Variants in TENM2 observed in about 807,000 individuals in gnomAD.
The protein encoded by TENM2 is teneurin transmembrane protein 2, also known as teneurin-2.
TENM2 carries 52 observed loss-of-function variants against 245.2 expected under a neutral mutation model. The observed-to-expected ratio is 0.21, with a 90% CI of 0.17 to 0.27. The LOEUF (loss-of-function observed/expected upper bound fraction) is 0.27. Among genes scored for constraint, TENM2 ranks in the 10% least tolerant of loss-of-function variants. The pLI, the probability that TENM2 is intolerant of heterozygous loss-of-function variation, is 1.00. For synonymous variants in TENM2, 1,363 were observed against 1,438.9 expected, an observed-to-expected ratio of 0.95 and a Z score of 1.19; for missense variants, 3,046 against 3,666.8, an observed-to-expected ratio of 0.83 and a Z score of 4.37.
chr5:167,862,241 ATGTGTGTG>A (rs138403142), intron 2 of TENM2, among the ~76,000 whole-genome samples: 5 of 148,534 alleles, frequency 3.4e-5, no homozygotes, highest in South Asian at 2.2e-4. Flanking sequence ...AATTTAGAGT[ATGTGTGTG>A]TGTGTGTGTG....
chr5:167,983,245 C>T (rs535110453), intron 4 of TENM2, among the ~76,000 whole-genome samples: 1 of 151,816 alleles, frequency 6.6e-6, no homozygotes, highest in Non-Finnish European at 1.5e-5. Context: ...TCACAAAACA[C>T]CAGGTTTCTT....
chr5:168,129,222 C>A (rs147929143), intron 12 of TENM2: 2 of 152,186 alleles, frequency 1.3e-5, no homozygotes, highest in Admixed American at 1.3e-4. Flanking sequence ...AATTGGCCAA[C>A]AAGAGAACAT....
the TENM2 span, among the ~76,000 whole-genome samples, chr5:167,129,670 A>T: frequency 2.0e-5 from 3 of 152,180 alleles, no homozygotes; most frequent in Non-Finnish European, 4.4e-5. Context: ...GATGCATGGG[A>T]AAATACTTAG....
intron 5 of TENM2, among the ~76,000 whole-genome samples, chr5:168,023,846 G>A (rs1786376036): frequency 2.0e-5 from 3 of 152,146 alleles, no homozygotes; most frequent in Admixed American, 2.0e-4. Context: ...GTGGAAAGGC[G>A]ATTCTGCTAG....
At chr5:167,199,870 C>T in the TENM2 span, among the ~76,000 whole-genome samples, 1 of 151,970 alleles carries the variant, frequency 6.6e-6, no homozygotes, top group Non-Finnish European at 1.5e-5. Context: ...TCTTAGGCAG[C>T]CCTAAAAATA....
the TENM2 span, among the ~76,000 whole-genome samples, chr5:167,084,327 T>TTATATGTATATATATATA: frequency 4.3e-5 from 1 of 23,170 alleles, no homozygotes; most frequent in East Asian, 1.3e-3. Flanking sequence ...GCCATTTTAG[T>TTATATGTATATATATATA]TATATATATA....
the TENM2 span, among the ~76,000 whole-genome samples, chr5:167,086,322 A>G: frequency 4.6e-5 from 7 of 152,286 alleles, no homozygotes; most frequent in East Asian, 1.2e-3. Context: ...ATTGGAAAGA[A>G]CAATTTTTGC....
intron 9 of TENM2, among the ~76,000 whole-genome samples, chr5:168,108,551 C>T (rs1794432207): frequency 1.3e-5 from 2 of 152,174 alleles, no homozygotes; most frequent in Non-Finnish European, 2.9e-5. Flanking sequence ...TCACAACAAG[C>T]CTTTGCAATC....
At chr5:167,022,364 T>G in the TENM2 span, among the ~76,000 whole-genome samples, 1 of 152,204 alleles carries the variant, frequency 6.6e-6, no homozygotes, top group Admixed American at 6.5e-5. Context: ...GATAGCCAGT[T>G]ACAAAGGTTG....
chr5:167,610,857 T>G (rs572099978), intron 2 of TENM2, among the ~76,000 whole-genome samples: 1 of 152,320 alleles, frequency 6.6e-6, no homozygotes, highest in Non-Finnish European at 1.5e-5. Context: ...CTCAGATTCA[T>G]AAGCCAGGAA....
At chr5:167,122,133 T>G in the TENM2 span, among the ~76,000 whole-genome samples, 55 of 152,282 alleles carry the variant, frequency 3.6e-4, no homozygotes, top group Non-Finnish European at 5.1e-4. Context: ...CACCTTAATT[T>G]ACAAATAAAT....
intron 1 of TENM2, among the ~76,000 whole-genome samples, chr5:167,319,467 C>T (rs575069932): frequency 6.6e-6 from 1 of 152,170 alleles, no homozygotes; most frequent in East Asian, 1.9e-4. Context: ...ATTACATTTA[C>T]CCATACAACC....
At chr5:166,989,378 G>A in the TENM2 span, among the ~76,000 whole-genome samples, 4 of 147,316 alleles carry the variant, frequency 2.7e-5, no homozygotes, top group African/African-American at 1.0e-4. Context: ...TCCTGCCTCA[G>A]CTTCCTGAGT....
chr5:167,659,303 A>G (rs1295918045), intron 2 of TENM2, among the ~76,000 whole-genome samples: 1 of 152,212 alleles, frequency 6.6e-6, no homozygotes, highest in Non-Finnish European at 1.5e-5. Context: ...TATTATAAGT[A>G]TTGTTTTAAA....
chr5:167,606,655 A>G (rs1420589951), intron 2 of TENM2, among the ~76,000 whole-genome samples: 1 of 152,148 alleles, frequency 6.6e-6, no homozygotes, highest in African/African-American at 2.4e-5. Context: ...TCATTTGGGA[A>G]CTTTTAATAA....
Position 167,426,274 on chromosome 5 carries a change from G to A in TENM2, c.502+50801G>A, listed in dbSNP as rs182931752. Among the ~76,000 whole-genome samples the A allele has an allele frequency of 2.7e-3, 407 of 152,082 alleles. 2 individuals are homozygous for A. Among genetic ancestry groups the A allele is most frequent in the African/African-American group, 8.8e-3 (365 of 41,470 alleles). The stretch of plus-strand genomic sequence containing the variant: ...CACTGTAACATCTCTTCAAATATGC[G>A]CACTTCTATTCACAATAGTATTTTA... On this transcript the variant is annotated intron_variant, in intron 2 of 28. Coordinates refer to ENST00000518659, the Ensembl canonical transcript of TENM2.
intron 5 of TENM2, among the ~76,000 whole-genome samples, chr5:168,012,732 C>G (rs1785331696): frequency 8.3e-6 from 1 of 120,590 alleles, no homozygotes; most frequent in Non-Finnish European, 1.6e-5. Context: ...GGCAGTGTTT[C>G]AGTTAGGGAT....
At chr5:168,099,255 A>C (rs1323810039) in intron 9 of TENM2, among the ~76,000 whole-genome samples, 5 of 151,724 alleles carry the variant, frequency 3.3e-5, no homozygotes, top group African/African-American at 1.2e-4. Context: ...CTGATTTTCC[A>C]CCCACCAATA....
chr5:167,150,806 A>G, the TENM2 span, among the ~76,000 whole-genome samples: 1 of 152,228 alleles, frequency 6.6e-6, no homozygotes, highest in Non-Finnish European at 1.5e-5. Context: ...AGCTCATTCA[A>G]TGTAATGACT....
Sources: allele counts gnomAD v4.1 joint callset (sites outside exome capture counted in the v4.1 genomes callset), GRCh38; gene constraint gnomAD v4.1.1; transcripts MANE v1.5; gene names NCBI Gene and HGNC (gene_info 2026-07-23, HGNC 2026-07-21).